GON4L: variants seen among roughly 807,000 people sequenced by gnomAD.
GON4L encodes the protein GON-4-like protein.
Under a neutral mutation model 211.8 loss-of-function variants are expected in GON4L, and 87 were observed. That is an observed-to-expected ratio of 0.41 (90% CI 0.35 to 0.49). The LOEUF (loss-of-function observed/expected upper bound fraction) is 0.49. Among genes scored for constraint, GON4L ranks in the 20% least tolerant of loss-of-function variants. The probability of loss-of-function intolerance (pLI) is 0.15; values close to 1 mark genes in which losing one functional copy is unlikely to be tolerated. For synonymous variants in GON4L, 875 were observed against 962.6 expected, an observed-to-expected ratio of 0.91 and a Z score of 1.68; for missense variants, 2,155 against 2,659.5, an observed-to-expected ratio of 0.81 and a Z score of 4.17.
chr1:155,829,966 T>C (rs1029025830), intron 2 of GON4L, among the ~76,000 whole-genome samples: 1 of 151,920 alleles, frequency 6.6e-6, no homozygotes, highest in Non-Finnish European at 1.5e-5. Flanking sequence ...TTTTTTTTTT[T>C]TCCAGACAGA....
intron 12 of GON4L, among the ~76,000 whole-genome samples, chr1:155,791,093 C>T (rs925283149): frequency 3.3e-5 from 5 of 151,600 alleles, no homozygotes; most frequent in Admixed American, 6.6e-5. Flanking sequence ...GAAACCTCTT[C>T]TCTACTAAAA....
downstream of GON4L, chr1:155,748,812 G>A: frequency 3.8e-6 from 6 of 1,589,224 alleles, no homozygotes; most frequent in Non-Finnish European, 5.2e-6. Flanking sequence ...GTCCTTAGGA[G>A]TCCTTGTCAG....
At chr1:155,768,611 A>C (rs1378550701) in intron 19 of GON4L, among the ~76,000 whole-genome samples, 1 of 129,148 alleles carries the variant, frequency 7.7e-6, no homozygotes, top group South Asian at 2.4e-4. Context: ...ACTCCATCTC[A>C]AAAAAAAAAA....
intron 2 of GON4L, among the ~76,000 whole-genome samples, chr1:155,842,746 G>A (rs1035561288): frequency 1.1e-4 from 16 of 146,626 alleles, no homozygotes; most frequent in Admixed American, 1.4e-4. Flanking sequence ...CTGAGGCAGG[G>A]GAATCACTTG....
intron 23 of GON4L, 121 bp downstream of exon 23, chr1:155,762,069 T>G: frequency 4.2e-6 from 3 of 718,948 alleles, no homozygotes; most frequent in Non-Finnish European, 4.8e-6. Context: ...AAAGCCAAGA[T>G]AGAGGAATAT....
chr1:155,776,265 G>A (rs1663807848), intron 16 of GON4L, 130 bp downstream of exon 16: 2 of 768,214 alleles, frequency 2.6e-6, no homozygotes, highest in African/African-American at 1.7e-5. Flanking sequence ...TTAACAGAAA[G>A]CAGGCAAAAC....
In GON4L at chr1:155,824,697, TCACA is replaced by T. The variant is rs563000976; in HGVS notation, c.697+2136_697+2139del. ...AGGCGGAGGTTGCAGTGAGCCAAGA[TCACA>T]CCATTGCACTCCAGCCTGGGCGACA... On this transcript the variant is annotated intron_variant, in intron 3 of 31. Coordinates refer to ENST00000368331, the MANE Select transcript of GON4L (RefSeq NM_001282860.2). Among the ~76,000 whole-genome samples, 558 of 140,080 alleles carry T rather than the reference TCACA, an allele frequency of 4.0e-3. 5 individuals are homozygous for T. The highest frequency in any genetic ancestry group is 0.015 in the African/African-American group (535 of 36,694). The allele number at this position is 140,080 out of a possible 152,430, so 91.9% of individuals were successfully genotyped here. A position where few individuals can be genotyped will look rare whatever the true frequency, so the allele number is the denominator to read the frequency against.
intron 1 of GON4L, among the ~76,000 whole-genome samples, chr1:155,856,828 A>ATG (rs1672333215): frequency 6.6e-6 from 1 of 152,212 alleles, no homozygotes; most frequent in Non-Finnish European, 1.5e-5. Flanking sequence ...AGGCACCTCA[A>ATG]ACACAGCAGT....
chr1:155,797,052 T>C (rs1468515947), intron 11 of GON4L, among the ~76,000 whole-genome samples: 1 of 152,176 alleles, frequency 6.6e-6, no homozygotes, highest in Non-Finnish European at 1.5e-5. Context: ...CCACAGAGTA[T>C]CTAGAAAGAA....
chr1:155,766,023 G>A lies in GON4L; in HGVS notation c.3450C>T (p.Thr1150=), dbSNP rs1404533359. ...PASVIFTVPA[T]TVKIVSLGGG... is the part of the protein sequence containing the mutation. ...CGCCAAGGCTCACAATCTTCACAGT[G>A]GTAGCAGGAACAGTGAAGATAACAG... The change falls in exon 21 of 32, where the codon ACC becomes ACT. Residue 1150 remains threonine, a synonymous_variant. Transcript: ENST00000368331. The A allele has an allele frequency of 1.1e-5, 17 of 1,614,016 alleles. No individual in the cohort carries two copies. Among genetic ancestry groups the A allele is most frequent in the South Asian group, 4.4e-5 (4 of 91,078 alleles).
chr1:155,774,294 A>G (rs1223721444), intron 17 of GON4L, among the ~76,000 whole-genome samples: 1 of 145,660 alleles, frequency 6.9e-6, no homozygotes, highest in East Asian at 2.0e-4. Context: ...AGTATGGTAA[A>G]TAAAGTTAGT....
intron 10 of GON4L, among the ~76,000 whole-genome samples, chr1:155,812,125 A>G (rs577320079): frequency 1.3e-5 from 2 of 152,222 alleles, no homozygotes; most frequent in African/African-American, 4.8e-5. Context: ...TAAAAATGGA[A>G]AATAATAACT....
intron 1 of GON4L, 47 bp from the exon 2 acceptor site, chr1:155,853,853 A>G (rs1672032537): frequency 8.8e-7 from 1 of 1,138,584 alleles, no homozygotes; most frequent in South Asian, 1.3e-5. Flanking sequence ...ATTAAAAGTA[A>G]TAACATTTAC....
chr1:155,804,022 C>T (rs1173153770), intron 11 of GON4L, among the ~76,000 whole-genome samples: 1 of 152,154 alleles, frequency 6.6e-6, no homozygotes, highest in East Asian at 1.9e-4. Flanking sequence ...TCACTTGCAT[C>T]ATGAAGACCC....
intron 12 of GON4L, among the ~76,000 whole-genome samples, chr1:155,787,299 A>G (rs368933174): frequency 1.3e-5 from 2 of 152,168 alleles, no homozygotes; most frequent in African/African-American, 4.8e-5. Flanking sequence ...TGGTTGTTAC[A>G]AGAATCTGAG....
At chr1:155,778,990 G>C (rs1307471430) in intron 14 of GON4L, among the ~76,000 whole-genome samples, 1 of 151,732 alleles carries the variant, frequency 6.6e-6, no homozygotes, top group Non-Finnish European at 1.5e-5. Flanking sequence ...TTGTTGGCCG[G>C]ACGCGGTGGC....
At chr1:155,772,764 A>G (rs750655706) in intron 18 of GON4L, among the ~76,000 whole-genome samples, 36 of 151,908 alleles carry the variant, frequency 2.4e-4, no homozygotes, top group Non-Finnish European at 2.1e-4. Context: ...AATAAATAAC[A>G]TAAAATAAAA....
At chr1:155,815,751 G>T in intron 8 of GON4L, 54 bp downstream of exon 8, 1 of 1,034,560 alleles carries the variant, frequency 9.7e-7, no homozygotes, top group Non-Finnish European at 1.5e-6. Context: ...TACTAAGGAA[G>T]CAAAGTATAC....
At chr1:155,784,158 G>C in intron 13 of GON4L, 69 bp from the exon 14 acceptor site, 2 of 1,585,280 alleles carry the variant, frequency 1.3e-6, no homozygotes, top group Non-Finnish European at 1.7e-6. Flanking sequence ...GTATTGGGAA[G>C]GAAGAGTGAA....
Sources: gnomAD v4.1 joint callset for allele counts (sites outside exome capture counted in the v4.1 genomes callset) on GRCh38, gnomAD v4.1.1 for gene constraint, MANE v1.5 for transcripts, NCBI Gene and HGNC (gene_info 2026-07-23, HGNC 2026-07-21) for gene names.